Variants in PDZD8 observed in about 807,000 individuals in gnomAD.
PDZD8 encodes the protein PDZ domain-containing protein 8.
PDZD8 carries 14 observed loss-of-function variants against 85.8 expected under a neutral mutation model. The observed-to-expected ratio is 0.16, with a 90% CI of 0.11 to 0.26. The LOEUF (loss-of-function observed/expected upper bound fraction) is 0.26, where lower values mean the gene tolerates loss of function less well. Ranked by LOEUF, PDZD8 falls within the 10% of genes least tolerant of loss-of-function variation. The pLI is 1.00. For synonymous variants in PDZD8, 592 were observed against 568.6 expected, an observed-to-expected ratio of 1.04 and a Z score of -0.59; for missense variants, 1,197 against 1,424.3, an observed-to-expected ratio of 0.84 and a Z score of 2.57.
chr10:117,341,918 C>T (rs929393459), intron 1 of PDZD8, among the ~76,000 whole-genome samples: 2 of 152,130 alleles, frequency 1.3e-5, no homozygotes, highest in Non-Finnish European at 2.9e-5. Flanking sequence ...TACTATTTGC[C>T]AGGCAGTATG....
chr10:117,342,387 A>AT (rs1844629208), intron 1 of PDZD8, among the ~76,000 whole-genome samples: 2 of 74,918 alleles, frequency 2.7e-5, no homozygotes, highest in Admixed American at 1.5e-4. Context: ...TGACCACACA[A>AT]ACAGATACAC....
chr10:117,370,634 G>A (rs1243391220), intron 1 of PDZD8, among the ~76,000 whole-genome samples: 1 of 152,102 alleles, frequency 6.6e-6, no homozygotes, highest in Non-Finnish European at 1.5e-5. Context: ...CTGAAGTCAG[G>A]AGTTCGAAAC....
chr10:117,331,073 T>C (rs1844413640), intron 2 of PDZD8, among the ~76,000 whole-genome samples: 1 of 152,240 alleles, frequency 6.6e-6, no homozygotes, highest in South Asian at 2.1e-4. Context: ...AGTTGACTTA[T>C]TTATGCATTT....
In PDZD8 at chr10:117,284,819, A is replaced by G; in HGVS notation, c.1914T>C (p.Asn638=). Residue 638 remains asparagine, a synonymous_variant, in exon 5 of 5, where the codon AAT becomes AAC. Coordinates refer to ENST00000334464, the MANE Select transcript of PDZD8 (RefSeq NM_173791.5). The part of the protein sequence containing the change: ...VDKSAEKQAK[N]VDAIDDAAAP... ...CAGCTGCATCGTCTATGGCATCCAC[A>G]TTTTTTGCTTGCTTTTCAGCAGATT... 6.2e-7 allele frequency: 1 copy of G among 1,614,024 alleles called. No homozygotes were observed. Among genetic ancestry groups the G allele is most frequent in the Non-Finnish European group, 8.5e-7 (1 of 1,179,984 alleles).
chr10:117,287,055 T>C (rs535186012), intron 4 of PDZD8, among the ~76,000 whole-genome samples: 1 of 152,316 alleles, frequency 6.6e-6, no homozygotes, highest in African/African-American at 2.4e-5. Context: ...AAGATCAATA[T>C]GAAGCTACCT....
At position 117,284,868 on chromosome 10, in the gene PDZD8, A is replaced by G; in HGVS notation, c.1865T>C (p.Val622Ala). The change falls in exon 5 of 5, where the codon GTG becomes GCG. Residue 622 changes from valine to alanine, a missense_variant. Physicochemically the swap from Val to Ala is moderately conservative, Grantham distance 64. Transcript: ENST00000334464. ...PDVLVEKPEKVVPPPLVDKSA... is the reference protein window; with the variant it reads ...PDVLVEKPEKAVPPPLVDKSA... ...TTTATCTACAAGAGGAGGTGGCACC[A>G]CCTTCTCTGGCTTTTCAACGAGAAC... The G allele has an allele frequency of 1.2e-6, 2 of 1,614,094 alleles. No individual in the cohort carries two copies. The highest frequency in any genetic ancestry group is 1.7e-6 in the Non-Finnish European group (2 of 1,180,020).
chr10:117,285,074 T>C lies in PDZD8; in HGVS notation c.1659A>G (p.Pro553=), dbSNP rs1404878731. The C allele has an allele frequency of 6.2e-7, 1 of 1,614,010 alleles. No individual in the cohort carries two copies. The highest frequency in any genetic ancestry group is 8.5e-7 in the Non-Finnish European group (1 of 1,179,884). ...RKLAVGSHPL[P]PKIQSKDGNK... is the part of the protein sequence containing the mutation. ...TTCCATCTTTGGACTGAATTTTCGG[T>C]GGTAGTGGGTGACTTCCTACAGCTA... Residue 553 remains proline, a synonymous_variant, in exon 5 of 5, where the codon CCA becomes CCG. Coordinates refer to ENST00000334464, the MANE Select transcript of PDZD8 (RefSeq NM_173791.5).
chr10:117,356,534 T>G (rs988963583), intron 1 of PDZD8, among the ~76,000 whole-genome samples: 1 of 152,192 alleles, frequency 6.6e-6, no homozygotes, highest in African/African-American at 2.4e-5. Context: ...TCCAGGCCCA[T>G]GCTCTTTTAG....
chr10:117,302,890 T>C (rs1349942180), intron 3 of PDZD8, among the ~76,000 whole-genome samples: 1 of 152,258 alleles, frequency 6.6e-6, no homozygotes, highest in Non-Finnish European at 1.5e-5. Context: ...GGCATGATTC[T>C]GAGGCCTCCC....
rs372057726 is a variant in PDZD8 at position 117,369,402 on chromosome 10, G to T, written c.872+4954C>A. ...TCGAACTCCTGACCTCAAGTGATCC[G>T]CCTGCCTTGCCCTCCCAAAGTGCTG... On this transcript the variant is annotated intron_variant, in intron 1 of 4. Coordinates refer to ENST00000334464, the MANE Select transcript of PDZD8 (RefSeq NM_173791.5). Among the ~76,000 whole-genome samples the T allele has an allele frequency of 7.9e-5, 12 of 151,652 alleles. No individual in the cohort carries two copies. In the East Asian group the frequency reaches 1.4e-3, roughly 17 times the overall value.
chr10:117,303,634 C>T (rs10886055), intron 3 of PDZD8, among the ~76,000 whole-genome samples: 29,546 of 152,198 alleles, frequency 0.19, 3,631 homozygotes, highest in East Asian at 0.47. Context: ...CATCACAGGC[C>T]CAGAGGCCCA....
At chr10:117,287,401 A>C (rs1172104627) in intron 4 of PDZD8, among the ~76,000 whole-genome samples, 2 of 152,128 alleles carry the variant, frequency 1.3e-5, no homozygotes, top group African/African-American at 4.8e-5. Flanking sequence ...TAGTCTCAAA[A>C]ACTATCAACT....
intron 3 of PDZD8, among the ~76,000 whole-genome samples, chr10:117,302,400 T>C (rs1036282514): frequency 6.6e-6 from 1 of 152,242 alleles, no homozygotes; most frequent in Admixed American, 6.5e-5. Context: ...GTATAACTCT[T>C]TGAAACAGAC....
At chr10:117,292,709 A>T (rs1844790098) in intron 3 of PDZD8, among the ~76,000 whole-genome samples, 1 of 151,846 alleles carries the variant, frequency 6.6e-6, no homozygotes, top group Non-Finnish European at 1.5e-5. Context: ...TCTATCTATA[A>T]ATCATATCTT....
intron 2 of PDZD8, among the ~76,000 whole-genome samples, chr10:117,320,119 A>T (rs1386343911): frequency 6.6e-6 from 1 of 152,176 alleles, no homozygotes; most frequent in African/African-American, 2.4e-5. Context: ...ATTCTTAAAT[A>T]ATCTTAAAAG....
In PDZD8 at chr10:117,340,773, C is replaced by T. The variant is rs192981530; in HGVS notation, c.995+207G>A. On this transcript the variant is annotated intron_variant, in intron 2 of 4. Transcript: ENST00000334464. The stretch of plus-strand genomic sequence containing the variant: ...TGTCAGAATGACTACAGAGTAAATG[C>T]CTCTCCCTCCATTAAAACACTTTCT... Among the ~76,000 whole-genome samples the T allele has an allele frequency of 1.2e-3, 190 of 152,146 alleles. 1 individual carries two copies. The highest frequency in any genetic ancestry group is 2.9e-4 in the Non-Finnish European group (20 of 68,012).
Position 117,280,788 on chromosome 10 carries a change from T to C in PDZD8, c.*2480A>G, listed in dbSNP as rs1200349800. ...TGTGGTCTACAGAGTTAAATACTTT[T>C]AAAACATGAGTAGATTCTTATAAAA... On this transcript the variant is annotated 3_prime_UTR_variant, in exon 5 of 5. Coordinates refer to ENST00000334464, the MANE Select transcript of PDZD8 (RefSeq NM_173791.5). 6.6e-6 allele frequency: 1 copy of C among 152,236 alleles called. No individual in the cohort carries two copies. The highest frequency in any genetic ancestry group is 1.5e-5 in the Non-Finnish European group (1 of 68,050). 9.4% of individuals were successfully genotyped at this position (152,236 alleles called of 1,614,324 possible).
At chr10:117,306,498 T>A (rs958146977) in intron 3 of PDZD8, among the ~76,000 whole-genome samples, 1 of 152,020 alleles carries the variant, frequency 6.6e-6, no homozygotes, top group African/African-American at 2.4e-5. Flanking sequence ...AACAACAGAG[T>A]AGAACACTCT....
intron 2 of PDZD8, among the ~76,000 whole-genome samples, chr10:117,334,184 T>C (rs1172460914): frequency 6.6e-6 from 1 of 152,192 alleles, no homozygotes; most frequent in Non-Finnish European, 1.5e-5. Context: ...ATTTCAATTA[T>C]CAAAAAACTG....
Sources: gnomAD v4.1 joint callset for allele counts (sites outside exome capture counted in the v4.1 genomes callset) on GRCh38, gnomAD v4.1.1 for gene constraint, MANE v1.5 for transcripts, NCBI Gene and HGNC (gene_info 2026-07-23, HGNC 2026-07-21) for gene names.